BOK: variants seen among roughly 807,000 people sequenced by gnomAD.
BOK encodes BCL2 family apoptosis regulator BOK.
Under a neutral mutation model 18.3 loss-of-function variants are expected in BOK, and 20 were observed. That is an observed-to-expected ratio of 1.09 (90% CI 0.77 to 1.59). The LOEUF (loss-of-function observed/expected upper bound fraction) is 1.59, where lower values mean the gene tolerates loss of function less well. BOK is among the 40% of genes most tolerant of loss of function. BOK has a pLI of 0.00. For missense variants in BOK, 348 were observed against 307.9 expected (o/e 1.13, Z -0.97); for synonymous variants, 173 against 142.4 (o/e 1.21, Z -1.53).
upstream of BOK, among the ~76,000 whole-genome samples, chr2:241,557,259 C>T (rs2066459792): frequency 6.8e-6 from 1 of 147,792 alleles, no homozygotes; most frequent in Admixed American, 6.7e-5. Context: ...TTGTTCTTTT[C>T]TAGCTTCTTG....
In BOK at chr2:241,562,829, G is replaced by C. The variant is rs541418731; in HGVS notation, c.349+353G>C. Among the ~76,000 whole-genome samples, 4 of 152,318 alleles carry C rather than the reference G, an allele frequency of 2.6e-5. No homozygotes were observed. The highest frequency in any genetic ancestry group is 6.5e-5 in the Admixed American group (1 of 15,306). On this transcript the variant is annotated intron_variant, in intron 3 of 4. Transcript: ENST00000318407. The surrounding 1 kb of genome is among the most constrained non-coding windows in gnomAD (Gnocchi z 4.5). ...GTTTCCTGCAGGGGCCCCCGAGCGGGGCTTGGGCTTCTCACAGCATGGTGC... is the reference window on the plus strand; with the variant it reads ...GTTTCCTGCAGGGGCCCCCGAGCGGCGCTTGGGCTTCTCACAGCATGGTGC...
At chr2:241,551,852 G>A (rs374268407) in intron 1 of BOK, among the ~76,000 whole-genome samples, 4 of 151,926 alleles carry the variant, frequency 2.6e-5, no homozygotes, top group Non-Finnish European at 5.9e-5. Context: ...GTGTCTTGCC[G>A]CCCACTTCCT....
intron 2 of BOK, among the ~76,000 whole-genome samples, chr2:241,561,019 C>T (rs186979465): frequency 1.3e-5 from 2 of 152,312 alleles, no homozygotes; most frequent in Non-Finnish European, 2.9e-5. Context: ...GCAGCAGCCC[C>T]GGAGATCTGT....
intron 2 of BOK, among the ~76,000 whole-genome samples, chr2:241,561,322 A>C (rs2066524511): frequency 1.3e-5 from 2 of 152,236 alleles, no homozygotes; most frequent in Non-Finnish European, 2.9e-5. Context: ...GTGGGCCTGT[A>C]GGGGCCATCC....
chr2:241,562,209 TG>T lies in BOK; in HGVS notation c.221-136del. The T allele has an allele frequency of 1.8e-6, 2 of 1,140,306 alleles. No homozygotes were observed. Among genetic ancestry groups the T allele is most frequent in the East Asian group, 2.7e-5 (1 of 36,902 alleles). 70.6% of individuals were successfully genotyped at this position (1,140,306 alleles called of 1,614,324 possible). The stretch of plus-strand genomic sequence containing the variant: ...GAGGTCAGATGGGGTCAAGTGGAGG[TG>T]GGAATCAGACAAGTGAGGAACAGGC... On this transcript the variant is annotated intron_variant, in intron 2 of 4. Coordinates refer to ENST00000318407, the MANE Select transcript of BOK (RefSeq NM_032515.5). The surrounding 1 kb of genome is among the most constrained non-coding windows in gnomAD (Gnocchi z 4.5).
chr2:241,553,344 G>T (rs1157644205), intron 1 of BOK, among the ~76,000 whole-genome samples: 3 of 152,116 alleles, frequency 2.0e-5, no homozygotes, highest in Non-Finnish European at 4.4e-5. Context: ...TAGAGACGGG[G>T]TTTCACCATG....
chr2:241,567,219 C>T lies in BOK; in HGVS notation c.350-2906C>T, dbSNP rs887061649. Among the ~76,000 whole-genome samples the T allele has an allele frequency of 6.8e-5, 9 of 131,402 alleles. 1 individual carries two copies. The highest frequency in any genetic ancestry group is 2.3e-4 in the Admixed American group (3 of 12,986). 86.2% of individuals were successfully genotyped at this position (131,402 alleles called of 152,430 possible). ...TTGTGATCTTGCAACCTCCGCCACC[C>T]GGGTTCAAGCGATTCTCCTGCTTCA... On this transcript the variant is annotated intron_variant, in intron 3 of 4. Transcript: ENST00000318407.
intron 2 of BOK, among the ~76,000 whole-genome samples, chr2:241,561,975 G>A (rs963491264): frequency 6.6e-6 from 1 of 152,236 alleles, no homozygotes; most frequent in Non-Finnish European, 1.5e-5. Context: ...CTGGCCGTCT[G>A]CCTGGTCCCT....
In BOK at chr2:241,570,448, G is replaced by C. The variant is rs878918164; in HGVS notation, c.513+160G>C. The stretch of plus-strand genomic sequence containing the variant: ...GGGAGGGAGTGGCGGATGGGTGAGT[G>C]TCTGAGCGCCTGGGGGGTGGGAGAG... On this transcript the variant is annotated intron_variant, in intron 4 of 4. Transcript: ENST00000318407. 3.3e-4 allele frequency among the ~76,000 whole-genome samples: 5 copies of C among 15,080 alleles called. 1 individual carries two copies. Among genetic ancestry groups the C allele is most frequent in the African/African-American group, 9.8e-4 (5 of 5,120 alleles). 9.9% of individuals were successfully genotyped at this position (15,080 alleles called of 152,430 possible).
In BOK at chr2:241,559,533, C is replaced by G; in HGVS notation, c.50C>G (p.Ala17Gly). The change falls in exon 2 of 5, where the codon GCC becomes GGC. Residue 17 changes from alanine (A) to glycine (G), a missense_variant. By Grantham distance (60) the Ala-to-Gly change is moderately conservative. Transcript: ENST00000318407. Reference sequence around the variant, plus strand: ...GTCTTCGCCGCCGAGATCATGGACGCCTTTGACCGCTCGCCCACAGACAAG... The same window carrying G: ...GTCTTCGCCGCCGAGATCATGGACGGCTTTGACCGCTCGCCCACAGACAAG... ...SSVFAAEIMDAFDRSPTDKEL... is the reference protein window; with the variant it reads ...SSVFAAEIMDGFDRSPTDKEL... The G allele has an allele frequency of 6.6e-6, 10 of 1,522,680 alleles. No homozygotes were observed. The highest frequency in any genetic ancestry group is 7.0e-6 in the Non-Finnish European group (8 of 1,144,124). The allele number at this position is 1,522,680 out of a possible 1,614,324, so 94.3% of individuals were successfully genotyped here.
In BOK at chr2:241,570,181, G is replaced by T; in HGVS notation, c.406G>T (p.Asp136Tyr). The T allele has an allele frequency of 6.2e-7, 1 of 1,610,500 alleles. No individual in the cohort carries two copies. Among genetic ancestry groups the T allele is most frequent in the Non-Finnish European group, 8.5e-7 (1 of 1,179,154 alleles). Residue 136 changes from aspartate (D) to tyrosine (Y), a missense_variant, in exon 4 of 5, where the codon GAC (aspartate) becomes TAC (tyrosine). Coordinates refer to ENST00000318407, the MANE Select transcript of BOK (RefSeq NM_032515.5). ...TGCGGTGGCCGCGGGGCTGGCCGTG[G>T]ACTGTGTGAGGCAGGCCCAGCCTGC... The part of the protein sequence containing the change: ...LYAVAAGLAV[D>Y]CVRQAQPAMV...
chr2:241,561,281 T>C (rs569477089), intron 2 of BOK, among the ~76,000 whole-genome samples: 1 of 152,360 alleles, frequency 6.6e-6, no homozygotes, highest in South Asian at 2.1e-4. Flanking sequence ...GCGCTGCTGC[T>C]GCCAAGGGTG....
chr2:241,570,270 G>GCGGAGA lies in BOK; in HGVS notation c.498_503dup (p.Arg167_Arg168dup). The GCGGAGA allele has an allele frequency of 1.3e-6, 2 of 1,565,836 alleles. No individual in the cohort carries two copies. The highest frequency in any genetic ancestry group is 1.7e-6 in the Non-Finnish European group (2 of 1,156,800). On this transcript the variant is annotated inframe_insertion, in exon 4 of 5. Transcript: ENST00000318407. ...TGCGCAAGACCCTGGCAACCTGGCT[G>GCGGAGA]CGGAGACGCGGCGGATGGGTGAGCG...
chr2:241,557,978 T>G (rs1475710350), upstream of BOK, among the ~76,000 whole-genome samples: 3 of 150,644 alleles, frequency 2.0e-5, no homozygotes, highest in African/African-American at 7.3e-5. Flanking sequence ...TTAGGCCAAG[T>G]TGGTTAATCC....
chr2:241,570,167 C>A lies in BOK; in HGVS notation c.392C>A (p.Ala131Glu). 1.2e-6 allele frequency: 2 copies of A among 1,611,018 alleles called. No individual in the cohort carries two copies. Among genetic ancestry groups the A allele is most frequent in the East Asian group, 2.2e-5 (1 of 44,800 alleles). Residue 131 changes from alanine (A) to glutamate (E), a missense_variant, in exon 4 of 5, where the codon GCG (alanine) becomes GAG (glutamate). Ala to Glu is a moderately radical substitution (Grantham distance 107, BLOSUM62 -1). Transcript: ENST00000318407. ...GKVVSLYAVA[A>E]GLAVDCVRQA... ...GTGGTGTCCCTGTATGCGGTGGCCG[C>A]GGGGCTGGCCGTGGACTGTGTGAGG... is the stretch of plus-strand genomic sequence containing the variant.
At chr2:241,564,718 G>T (rs1044562969) in intron 3 of BOK, among the ~76,000 whole-genome samples, 6 of 152,222 alleles carry the variant, frequency 3.9e-5, no homozygotes, top group Non-Finnish European at 7.4e-5. Flanking sequence ...AGGAAGCCAG[G>T]GGTGGAAGGC....
chr2:241,572,679 T>G lies in BOK; in HGVS notation c.*257T>G, dbSNP rs1300939094. On this transcript the variant is annotated 3_prime_UTR_variant, in exon 5 of 5. Coordinates refer to ENST00000318407, the MANE Select transcript of BOK (RefSeq NM_032515.5). ...TGTCCCTTCTCCTGTGATCTCTGTG[T>G]TTTCCCTTTTCTTTCTGGGGCCAGG... is the stretch of plus-strand genomic sequence containing the variant. 3.1e-5 allele frequency: 17 copies of G among 544,648 alleles called. No homozygotes were observed. The highest frequency in any genetic ancestry group is 5.5e-5 in the Non-Finnish European group (17 of 307,200). The allele number at this position is 544,648 out of a possible 1,614,324, so 33.7% of individuals were successfully genotyped here.
In BOK at chr2:241,570,127, A is replaced by G; in HGVS notation, c.352A>G (p.Ile118Val). 6.2e-7 allele frequency: 1 copy of G among 1,611,286 alleles called. No individual in the cohort carries two copies. The highest frequency in any genetic ancestry group is 1.1e-5 in the South Asian group (1 of 90,934). ...AVAGHIFSAG[I>V]TWGKVVSLYA... ...CTTGACCATCTCTCTCCCTGCAGGC[A>G]TCACGTGGGGCAAGGTGGTGTCCCT... The change falls in exon 4 of 5, where the codon ATC (isoleucine) becomes GTC (valine). Residue 118 changes from isoleucine (I) to valine (V), a missense_variant and splice_region_variant. By Grantham distance (29) the Ile-to-Val change is conservative. Transcript: ENST00000318407.
In BOK at chr2:241,562,320, C is replaced by G. The variant is rs762470932; in HGVS notation, c.221-28C>G. The G allele has an allele frequency of 1.3e-6, 2 of 1,570,966 alleles. No homozygotes were observed. Among genetic ancestry groups the G allele is most frequent in the Non-Finnish European group, 1.7e-6 (2 of 1,158,270 alleles). On this transcript the variant is annotated intron_variant, in intron 2 of 4. Coordinates refer to ENST00000318407, the MANE Select transcript of BOK (RefSeq NM_032515.5). The surrounding 1 kb of genome is among the most constrained non-coding windows in gnomAD (Gnocchi z 4.5). ...TCCCAGGAAGCTGGGACGTGGGCTG[C>G]CTCTCACCTGCTCTTGTGACCACAC...
Sources: gnomAD v4.1 joint callset for allele counts (sites outside exome capture counted in the v4.1 genomes callset) on GRCh38, gnomAD v4.1.1 for gene constraint, Gnocchi (gnomAD v3.1) non-coding constraint, MANE v1.5 for transcripts, NCBI Gene and HGNC (gene_info 2026-07-23, HGNC 2026-07-21) for gene names.